DSCAM: variants seen among roughly 807,000 people sequenced by gnomAD.
DSCAM encodes the protein DS cell adhesion molecule, also known as cell adhesion molecule DSCAM.
Under a neutral mutation model 217.7 loss-of-function variants are expected in DSCAM, and 47 were observed. That is an observed-to-expected ratio of 0.22 (90% confidence interval 0.17 to 0.28). DSCAM has a LOEUF of 0.28. DSCAM is among the 10% of genes least tolerant of loss of function. The probability of loss-of-function intolerance (pLI) is 1.00; values close to 1 mark genes in which losing one functional copy is unlikely to be tolerated. For synonymous variants in DSCAM, 1,056 were observed against 1,015.3 expected (o/e 1.04, Z -0.76); for missense variants, 2,080 against 2,618.3 (o/e 0.79, Z 4.49).
intron 2 of DSCAM, among the ~76,000 whole-genome samples, chr21:40,701,787 A>G (rs1355459111): frequency 3.3e-5 from 5 of 152,126 alleles, no homozygotes; most frequent in African/African-American, 1.2e-4. Context: ...ATCAAACAAC[A>G]TATTTTATAC....
intron 3 of DSCAM, among the ~76,000 whole-genome samples, chr21:40,403,636 C>CACAG (rs1025621601): frequency 2.1e-5 from 3 of 143,026 alleles, no homozygotes; most frequent in African/African-American, 8.2e-5. Context: ...TGTGCACACA[C>CACAG]ACACACACAC....
At chr21:40,090,909 T>C (rs1295113561) in intron 21 of DSCAM, among the ~76,000 whole-genome samples, 1 of 152,186 alleles carries the variant, frequency 6.6e-6, no homozygotes, top group Non-Finnish European at 1.5e-5. Flanking sequence ...ACTTCTTCCA[T>C]GGTCTTCTTC....
intron 3 of DSCAM, among the ~76,000 whole-genome samples, chr21:40,678,728 A>G (rs896056751): frequency 2.6e-5 from 4 of 152,214 alleles, no homozygotes; most frequent in Non-Finnish European, 5.9e-5. Flanking sequence ...CCTCACACAC[A>G]AAAGCTATCC....
intron 1 of DSCAM, among the ~76,000 whole-genome samples, chr21:40,734,957 T>C (rs767661135): frequency 2.6e-5 from 4 of 152,230 alleles, no homozygotes; most frequent in Non-Finnish European, 4.4e-5. Flanking sequence ...AATCTTGGAT[T>C]TTGACTTGTT....
intron 3 of DSCAM, among the ~76,000 whole-genome samples, chr21:40,460,686 T>C (rs1049451279): frequency 2.0e-5 from 3 of 152,148 alleles, no homozygotes; most frequent in African/African-American, 4.8e-5. Flanking sequence ...AAAGGAAATA[T>C]GATTGCTAAG....
At chr21:40,525,009 CA>C (rs58427418) in intron 3 of DSCAM, among the ~76,000 whole-genome samples, 5,837 of 56,012 alleles carry the variant, frequency 0.1, 124 homozygotes, top group East Asian at 0.18. Context: ...GACTCAGTCT[CA>C]AAAAAAAAAA....
intron 3 of DSCAM, among the ~76,000 whole-genome samples, chr21:40,544,899 A>C (rs2076569115): frequency 6.7e-6 from 1 of 149,450 alleles, no homozygotes; most frequent in African/African-American, 2.5e-5. Flanking sequence ...ATTCACTTTT[A>C]TTTAATTAAA....
intron 3 of DSCAM, among the ~76,000 whole-genome samples, chr21:40,684,303 T>A (rs1385001601): frequency 6.6e-6 from 1 of 152,204 alleles, no homozygotes; most frequent in Admixed American, 6.5e-5. Flanking sequence ...CTCCACAGGC[T>A]GACGGTGGAG....
chr21:40,155,945 G>T (rs1158202765), intron 16 of DSCAM, among the ~76,000 whole-genome samples: 2 of 152,034 alleles, frequency 1.3e-5, no homozygotes, highest in African/African-American at 4.8e-5. Flanking sequence ...GCCAAGGCAG[G>T]GAGCCAAGCC....
intron 3 of DSCAM, among the ~76,000 whole-genome samples, chr21:40,425,090 T>C (rs117949853): frequency 6.3e-4 from 96 of 152,192 alleles, no homozygotes; most frequent in Admixed American, 8.5e-4. Context: ...TGAAACTCCA[T>C]CTCAAAAAAC....
At chr21:40,163,668 A>C (rs978296667) in intron 16 of DSCAM, among the ~76,000 whole-genome samples, 1 of 152,142 alleles carries the variant, frequency 6.6e-6, no homozygotes, top group African/African-American at 2.4e-5. Context: ...TTTCCCATGA[A>C]ACTTATCACA....
chr21:40,363,606 T>C (rs1189013821), intron 4 of DSCAM, among the ~76,000 whole-genome samples: 2 of 152,162 alleles, frequency 1.3e-5, no homozygotes, highest in Non-Finnish European at 2.9e-5. Flanking sequence ...TTATGCATTT[T>C]TTAAAATTTA....
intron 3 of DSCAM, among the ~76,000 whole-genome samples, chr21:40,426,315 G>T (rs1226683443): frequency 1.3e-5 from 2 of 152,204 alleles, no homozygotes; most frequent in African/African-American, 4.8e-5. Flanking sequence ...TGGACAGTTT[G>T]TTGGAAAACC....
intron 3 of DSCAM, among the ~76,000 whole-genome samples, chr21:40,468,883 T>C (rs548012817): frequency 1.3e-5 from 2 of 151,970 alleles, no homozygotes; most frequent in South Asian, 2.1e-4. Context: ...GTTTGAACAG[T>C]AGAAATTCCA....
intron 3 of DSCAM, among the ~76,000 whole-genome samples, chr21:40,564,581 C>T (rs1325999051): frequency 6.6e-6 from 1 of 152,096 alleles, no homozygotes; most frequent in Non-Finnish European, 1.5e-5. Flanking sequence ...TCGCCTGGAT[C>T]CTGCCAACCC....
At chr21:40,450,424 A>G (rs1285356673) in intron 3 of DSCAM, among the ~76,000 whole-genome samples, 2 of 152,190 alleles carry the variant, frequency 1.3e-5, no homozygotes, top group Non-Finnish European at 2.9e-5. Context: ...ATTCACAACT[A>G]CATGAAACTC....
intron 2 of DSCAM, among the ~76,000 whole-genome samples, chr21:40,703,893 AT>A (rs540291695): frequency 4.0e-5 from 6 of 151,384 alleles, no homozygotes; most frequent in South Asian, 2.1e-4. Context: ...ATAAAGCTTG[AT>A]TTTTTTTTAG....
chr21:40,359,299 T>G (rs1056637480), intron 4 of DSCAM, among the ~76,000 whole-genome samples: 2 of 152,250 alleles, frequency 1.3e-5, no homozygotes, highest in East Asian at 1.9e-4. Flanking sequence ...GAAGTCACTT[T>G]TAAGCAGAAT....
chr21:40,108,036 C>A (rs2089844165), intron 20 of DSCAM, among the ~76,000 whole-genome samples: 1 of 152,108 alleles, frequency 6.6e-6, no homozygotes, highest in African/African-American at 2.4e-5. Context: ...CCATATATGA[C>A]AAACCCACAG....
Sources: allele counts gnomAD v4.1 joint callset (sites outside exome capture counted in the v4.1 genomes callset), GRCh38; gene constraint gnomAD v4.1.1; transcripts MANE v1.5; gene names NCBI Gene and HGNC (gene_info 2026-07-23, HGNC 2026-07-21).